Variants in AP1G1 observed in about 807,000 individuals in gnomAD.
AP1G1 encodes AP-1 complex subunit gamma-1.
AP1G1 carries 7 observed loss-of-function variants against 108.3 expected under a neutral mutation model. The observed-to-expected ratio is 0.06, with a 90% CI of 0.04 to 0.12. AP1G1 has a LOEUF of 0.12. Among genes scored for constraint, AP1G1 ranks in the 10% least tolerant of loss-of-function variants. AP1G1 has a pLI of 1.00. For missense variants in AP1G1, 756 were observed against 1,010.7 expected (o/e 0.75, Z 3.42); for synonymous variants, 379 against 353.5 (o/e 1.07, Z -0.81).
At chr16:71,742,501 T>C (rs2029918501) in intron 19 of AP1G1, 1 of 152,230 alleles carries the variant, frequency 6.6e-6, no homozygotes, top group Admixed American at 6.5e-5. Flanking sequence ...CTATGTATCA[T>C]GCACTGAATA....
At chr16:71,808,034 G>A in intron 1 of AP1G1, 1 of 1,200,370 alleles carries the variant, frequency 8.3e-7, no homozygotes, top group African/African-American at 1.6e-5. Context: ...GTGGTTCGAT[G>A]GATCTCCTAC....
chr16:71,805,940 G>C (rs749552132), intron 1 of AP1G1, among the ~76,000 whole-genome samples: 3 of 151,852 alleles, frequency 2.0e-5, no homozygotes, highest in African/African-American at 4.8e-5. Flanking sequence ...AGGATCGCTT[G>C]AGTCCAGGAG....
intron 2 of AP1G1, among the ~76,000 whole-genome samples, chr16:71,787,043 G>A (rs925652657): frequency 2.0e-5 from 3 of 151,636 alleles, no homozygotes; most frequent in Admixed American, 6.6e-5. Flanking sequence ...AGCTGGGCCC[G>A]GGCACAGTGG....
At chr16:71,770,027 A>G (rs1476584839) in intron 5 of AP1G1, among the ~76,000 whole-genome samples, 2 of 152,238 alleles carry the variant, frequency 1.3e-5, no homozygotes, top group African/African-American at 4.8e-5. Context: ...TCTGTTCTAT[A>G]CTTAATCAGT....
intron 1 of AP1G1, among the ~76,000 whole-genome samples, chr16:71,801,408 T>G (rs887912271): frequency 6.6e-6 from 1 of 151,958 alleles, no homozygotes; most frequent in South Asian, 2.1e-4. Context: ...AAAATTCCTA[T>G]GTACACTTAC....
rs2045486632 is a variant in AP1G1, at chr16:71,732,745, CT to C, written c.*312del. ...GCAGTCCTCTCCTCCAGACCAGCTG[CT>C]TATTTCCTCAGGGGCCCAGGGAATG... On this transcript the variant is annotated 3_prime_UTR_variant, in exon 23 of 23. Coordinates refer to ENST00000299980, the MANE Select transcript of AP1G1 (RefSeq NM_001128.6). The C allele has an allele frequency of 7.8e-6, 2 of 257,994 alleles. No individual in the cohort carries two copies. The highest frequency in any genetic ancestry group is 1.5e-5 in the Non-Finnish European group (2 of 134,796). The allele number at this position is 257,994 out of a possible 1,614,324, so 16.0% of individuals were successfully genotyped here.
At position 71,730,383 on chromosome 16, in the gene AP1G1, G is replaced by GT. The variant is rs2045465903; in HGVS notation, c.*2674dup. The GT allele has an allele frequency of 6.6e-6, 1 of 152,254 alleles. No homozygotes were observed. The highest frequency in any genetic ancestry group is 2.1e-4 in the South Asian group (1 of 4,828). The allele number at this position is 152,254 out of a possible 1,614,324, so 9.4% of individuals were successfully genotyped here. On this transcript the variant is annotated 3_prime_UTR_variant, in exon 23 of 23. Transcript: ENST00000299980. ...TACAAGTGCATGTGAAATTGTCAAA[G>GT]TAAGTGTGTGAGGGCTCACTGCTTA...
In AP1G1 at chr16:71,731,534, C is replaced by CT. The variant is rs199771699; in HGVS notation, c.*1523dup. Reference sequence around the variant, plus strand: ...CATTGTAAGAGCAAGGTGGGCCTCACTTTTTCTTTCTTCAGTATATAAGAC... The same window carrying CT: ...CATTGTAAGAGCAAGGTGGGCCTCACTTTTTTCTTTCTTCAGTATATAAGAC... On this transcript the variant is annotated 3_prime_UTR_variant, in exon 23 of 23. Coordinates refer to ENST00000299980, the MANE Select transcript of AP1G1 (RefSeq NM_001128.6). The CT allele has an allele frequency of 0.11, 16,839 of 152,558 alleles. 1,099 individuals are homozygous for CT. Among genetic ancestry groups the CT allele is most frequent in the Non-Finnish European group, 0.15 (9,914 of 68,004 alleles). The allele number at this position is 152,558 out of a possible 1,614,324, so 9.5% of individuals were successfully genotyped here.
At chr16:71,753,912 A>C in intron 12 of AP1G1, 25 bp from the exon 13 acceptor site, 1 of 1,608,602 alleles carries the variant, frequency 6.2e-7, no homozygotes. Flanking sequence ...GGAAAGGGAC[A>C]CTTGGAACCA....
At chr16:71,745,646 C>T (rs369323921) in intron 17 of AP1G1, 32 bp from the exon 18 acceptor site, 95 of 1,579,286 alleles carry the variant, frequency 6.0e-5, no homozygotes, top group Admixed American at 2.7e-4. Flanking sequence ...AAATTCTAGG[C>T]AGTTAACCTA....
chr16:71,761,941 T>C (rs913953947), intron 9 of AP1G1, among the ~76,000 whole-genome samples: 1 of 152,006 alleles, frequency 6.6e-6, no homozygotes, highest in Non-Finnish European at 1.5e-5. Context: ...AAGAATAATA[T>C]TAGTACAGCC....
At position 71,753,512 on chromosome 16, in the gene AP1G1, T is replaced by C. The variant is rs1362665849; in HGVS notation, c.1284+321A>G. ...TGCACTTAGGGTTCCCTCCGTATGG[T>C]ACACTATTCCTCACGATCTCTGCAT... On this transcript the variant is annotated intron_variant, in intron 13 of 22. Transcript: ENST00000299980. 16 of 267,926 alleles carry C rather than the reference T, an allele frequency of 6.0e-5. No individual in the cohort carries two copies. In the South Asian group the frequency reaches 7.5e-4, roughly 13 times the overall value. 16.6% of individuals were successfully genotyped at this position (267,926 alleles called of 1,614,324 possible). A position where few individuals can be genotyped will look rare whatever the true frequency, so the allele number is the denominator to read the frequency against.
intron 2 of AP1G1, among the ~76,000 whole-genome samples, chr16:71,780,299 A>C (rs2031963667): frequency 1.3e-5 from 2 of 151,980 alleles, no homozygotes; most frequent in East Asian, 3.9e-4. Context: ...AAAGTTTCTT[A>C]AACAAAGTTT....
At chr16:71,746,531 T>C (rs1485218477) in intron 17 of AP1G1, 57 bp downstream of exon 17, 4 of 1,093,904 alleles carry the variant, frequency 3.7e-6, no homozygotes, top group South Asian at 1.5e-5. Flanking sequence ...TGGATTACCA[T>C]GACAATTTAG....
intron 6 of AP1G1, chr16:71,766,542 A>T (rs1597060819): frequency 7.7e-6 from 3 of 391,836 alleles, no homozygotes; most frequent in East Asian, 1.5e-4. Flanking sequence ...CTATATAAAC[A>T]ACTCTAATGA....
intron 1 of AP1G1, among the ~76,000 whole-genome samples, chr16:71,793,178 A>G (rs1289393642): frequency 6.6e-6 from 1 of 152,186 alleles, no homozygotes; most frequent in Non-Finnish European, 1.5e-5. Context: ...AAAAACAGAA[A>G]AAGCAAACAA....
Position 71,732,789 on chromosome 16 carries a change from T to C in AP1G1, c.*269A>G, listed in dbSNP as rs1426691286. 6.0e-6 allele frequency: 2 copies of C among 331,568 alleles called. No homozygotes were observed. Among genetic ancestry groups the C allele is most frequent in the Middle Eastern group, 1.7e-3 (2 of 1,160 alleles). 20.5% of individuals were successfully genotyped at this position (331,568 alleles called of 1,614,324 possible). A position where few individuals can be genotyped will look rare whatever the true frequency, so the allele number is the denominator to read the frequency against. ...AGGGAATGTTGATTCTGGCTGTAAA[T>C]GTGGGAGGGGTGGAGAAGTGCGGAA... On this transcript the variant is annotated 3_prime_UTR_variant, in exon 23 of 23. Transcript: ENST00000299980.
chr16:71,802,585 C>T (rs2032843631), intron 1 of AP1G1, among the ~76,000 whole-genome samples: 1 of 152,010 alleles, frequency 6.6e-6, no homozygotes, highest in Admixed American at 6.6e-5. Flanking sequence ...CAAAAATTAA[C>T]TGGGCATGGT....
chr16:71,765,362 T>C (rs1003333221), intron 7 of AP1G1, 127 bp downstream of exon 7: 1 of 610,400 alleles, frequency 1.6e-6, no homozygotes, highest in Non-Finnish European at 2.9e-6. Context: ...TGTGTCACTA[T>C]TCATTAATAT....
Sources: allele counts gnomAD v4.1 joint callset (sites outside exome capture counted in the v4.1 genomes callset), GRCh38; gene constraint gnomAD v4.1.1; transcripts MANE v1.5; gene names NCBI Gene and HGNC (gene_info 2026-07-23, HGNC 2026-07-21).